Variants in VPS41 observed in about 807,000 individuals in gnomAD.
The protein encoded by VPS41 is VPS41 subunit of HOPS complex, also known as vacuolar protein sorting-associated protein 41 homolog.
VPS41 carries 85 observed loss-of-function variants against 130.9 expected under a neutral mutation model. The observed-to-expected ratio is 0.65, with a 90% CI of 0.55 to 0.78. The LOEUF (loss-of-function observed/expected upper bound fraction) is 0.78, where lower values mean the gene tolerates loss of function less well. Ranked by LOEUF, VPS41 falls within the 30% of genes least tolerant of loss-of-function variation. VPS41 has a pLI of 0.00. For missense variants in VPS41, 874 were observed against 1,018.7 expected (o/e 0.86, Z 1.93); for synonymous variants, 335 against 332.9 (o/e 1.01, Z -0.07).
chr7:38,863,898 T>C (rs996256685), intron 3 of VPS41, among the ~76,000 whole-genome samples: 1 of 152,134 alleles, frequency 6.6e-6, no homozygotes, highest in Admixed American at 6.5e-5. Context: ...TGGGGGGAAA[T>C]TAGTCTGAAT....
At position 38,858,453 on chromosome 7, in the gene VPS41, C is replaced by T. The variant is rs147420417; in HGVS notation, c.246+4092G>A. Among the ~76,000 whole-genome samples the T allele has an allele frequency of 4.7e-3, 712 of 152,224 alleles. 6 individuals are homozygous for T. Among genetic ancestry groups the T allele is most frequent in the African/African-American group, 0.016 (676 of 41,546 alleles). ...AATATAATGAGGCATGTCTGACTCC[C>T]CCTTCCCGTCATGGCCTGAACTAGT... On this transcript the variant is annotated intron_variant, in intron 4 of 28. Transcript: ENST00000310301.
At chr7:38,825,268 A>C (rs190105025) in intron 5 of VPS41, among the ~76,000 whole-genome samples, 1 of 152,216 alleles carries the variant, frequency 6.6e-6, no homozygotes, top group Non-Finnish European at 1.5e-5. Flanking sequence ...ATTCTATTTC[A>C]ATATAAAAAA....
chr7:38,874,932 T>C (rs1265178698), intron 2 of VPS41, among the ~76,000 whole-genome samples: 2 of 152,162 alleles, frequency 1.3e-5, no homozygotes, highest in Admixed American at 1.3e-4. Context: ...TTTAGGAAAT[T>C]TGCATTTTAA....
chr7:38,907,078 G>GAA (rs3056397), intron 1 of VPS41, among the ~76,000 whole-genome samples: 1 of 141,296 alleles, frequency 7.1e-6, no homozygotes, highest in Non-Finnish European at 1.5e-5. Context: ...AATATACAGG[G>GAA]AAAAAAAAAA....
intron 25 of VPS41, among the ~76,000 whole-genome samples, chr7:38,739,215 T>C (rs1795832363): frequency 6.6e-6 from 1 of 152,194 alleles, no homozygotes; most frequent in Admixed American, 6.5e-5. Flanking sequence ...GAATGGTTCT[T>C]GATAGCCCCT....
At chr7:38,892,950 C>CT (rs1786898169) in intron 2 of VPS41, among the ~76,000 whole-genome samples, 1 of 152,132 alleles carries the variant, frequency 6.6e-6, no homozygotes, top group Non-Finnish European at 1.5e-5. Context: ...TTGTCTTCCG[C>CT]TACTGCCTTG....
chr7:38,785,930 T>A (rs1385096884), intron 10 of VPS41, among the ~76,000 whole-genome samples: 3 of 152,134 alleles, frequency 2.0e-5, no homozygotes, highest in Non-Finnish European at 4.4e-5. Context: ...AATTTCTAAG[T>A]CTCCAAATGA....
intron 4 of VPS41, among the ~76,000 whole-genome samples, chr7:38,842,371 A>ACC (rs1442728565): frequency 3.9e-5 from 6 of 152,158 alleles, no homozygotes; most frequent in African/African-American, 1.4e-4. Context: ...TCCCAAAGTC[A>ACC]GTCTTCTAAA....
At chr7:38,762,513 T>C (rs1333237402) in intron 17 of VPS41, among the ~76,000 whole-genome samples, 1 of 152,224 alleles carries the variant, frequency 6.6e-6, no homozygotes, top group Admixed American at 6.5e-5. Flanking sequence ...GAAGCATCTT[T>C]ACCTCCAATA....
intron 3 of VPS41, among the ~76,000 whole-genome samples, chr7:38,864,563 C>T (rs908031893): frequency 6.6e-6 from 1 of 152,072 alleles, no homozygotes; most frequent in African/African-American, 2.4e-5. Flanking sequence ...AAAAAGTTTA[C>T]TAAGCCAATT....
At chr7:38,824,660 A>G (rs1455064108) in intron 5 of VPS41, among the ~76,000 whole-genome samples, 1 of 152,238 alleles carries the variant, frequency 6.6e-6, no homozygotes, top group East Asian at 1.9e-4. Context: ...AACAACAAAA[A>G]AACATTCAAA....
intron 5 of VPS41, among the ~76,000 whole-genome samples, chr7:38,828,833 C>T (rs566021879): frequency 1.1e-3 from 169 of 152,248 alleles, no homozygotes; most frequent in African/African-American, 3.9e-3. Flanking sequence ...TCTTATCCAC[C>T]AGATGGAGTA....
At chr7:38,862,124 A>G (rs1388432051) in intron 4 of VPS41, among the ~76,000 whole-genome samples, 1 of 152,176 alleles carries the variant, frequency 6.6e-6, no homozygotes, top group African/African-American at 2.4e-5. Flanking sequence ...AATTTGCACT[A>G]TTATTCACTA....
intron 4 of VPS41, among the ~76,000 whole-genome samples, chr7:38,840,491 T>C (rs184353989): frequency 1.2e-4 from 18 of 152,184 alleles, no homozygotes; most frequent in African/African-American, 3.9e-4. Context: ...ATCGCAAATA[T>C]TAGGAAAGAG....
chr7:38,866,355 T>C (rs1466590856), intron 3 of VPS41, among the ~76,000 whole-genome samples: 1 of 152,174 alleles, frequency 6.6e-6, no homozygotes, highest in African/African-American at 2.4e-5. Context: ...GTAGAAAAAT[T>C]AGAGGCACAA....
chr7:38,853,782 C>G (rs1035231476), intron 4 of VPS41, among the ~76,000 whole-genome samples: 3 of 152,140 alleles, frequency 2.0e-5, no homozygotes, highest in Non-Finnish European at 2.9e-5. Flanking sequence ...TGTGAAATAC[C>G]AGGGTAATTT....
At chr7:38,895,571 A>G (rs1786967426) in intron 2 of VPS41, among the ~76,000 whole-genome samples, 1 of 152,168 alleles carries the variant, frequency 6.6e-6, no homozygotes, top group South Asian at 2.1e-4. Context: ...ACCAGGGAAG[A>G]AGGGGTGAAG....
In VPS41 at chr7:38,835,209, C is replaced by T. The variant is rs540740404; in HGVS notation, c.247-4881G>A. Among the ~76,000 whole-genome samples, 10 of 151,898 alleles carry T rather than the reference C, an allele frequency of 6.6e-5. No individual in the cohort carries two copies. In the South Asian group the frequency reaches 1.7e-3, roughly 25 times the overall value. On this transcript the variant is annotated intron_variant, in intron 4 of 28. Coordinates refer to ENST00000310301, the MANE Select transcript of VPS41 (RefSeq NM_014396.4). Reference sequence around the variant, plus strand: ...AGCTGTACTAGCCTCTTTGCAGAAACTCAACAATTCACTTTATTTTAAAAT... The same window carrying T: ...AGCTGTACTAGCCTCTTTGCAGAAATTCAACAATTCACTTTATTTTAAAAT...
chr7:38,874,157 G>A (rs1026162782), intron 2 of VPS41, among the ~76,000 whole-genome samples: 1 of 151,898 alleles, frequency 6.6e-6, no homozygotes, highest in African/African-American at 2.4e-5. Flanking sequence ...CACATATATT[G>A]GTACATTTTA....
Sources: gnomAD v4.1 joint callset for allele counts (sites outside exome capture counted in the v4.1 genomes callset) on GRCh38, gnomAD v4.1.1 for gene constraint, MANE v1.5 for transcripts, NCBI Gene and HGNC (gene_info 2026-07-23, HGNC 2026-07-21) for gene names.